Variants in NPAS3 observed in about 807,000 individuals in gnomAD.
NPAS3 encodes neuronal PAS domain protein 3, also known as neuronal PAS domain-containing protein 3.
Under a neutral mutation model 73.1 loss-of-function variants are expected in NPAS3, and 14 were observed. The observed-to-expected ratio is 0.19, with a 90% CI of 0.13 to 0.30. The LOEUF is 0.30. Among genes scored for constraint, NPAS3 ranks in the 10% least tolerant of loss-of-function variants. The pLI is 1.00. For synonymous variants in NPAS3, 620 were observed against 541.5 expected, an observed-to-expected ratio of 1.14 and a Z score of -2.01; for missense variants, 1,096 against 1,250.0, an observed-to-expected ratio of 0.88 and a Z score of 1.86.
chr14:33,229,030 T>A (rs1040801035), intron 3 of NPAS3, among the ~76,000 whole-genome samples: 7 of 152,176 alleles, frequency 4.6e-5, no homozygotes, highest in African/African-American at 1.7e-4. Context: ...GTTAAATATT[T>A]GAATGTGATG....
chr14:33,317,576 T>G (rs990218383), intron 3 of NPAS3, among the ~76,000 whole-genome samples: 5 of 152,052 alleles, frequency 3.3e-5, no homozygotes, highest in African/African-American at 9.7e-5. Flanking sequence ...GTTACTTCCA[T>G]GCTGTTCTCG....
At chr14:33,456,218 G>C (rs8022941) in intron 4 of NPAS3, among the ~76,000 whole-genome samples, 133,595 of 152,224 alleles carry the variant, frequency 0.88, 58,782 homozygotes, top group East Asian at 0.98. Context: ...CCATGGAAAG[G>C]GGGCCCTGCA....
intron 4 of NPAS3, among the ~76,000 whole-genome samples, chr14:33,549,460 C>T (rs1318324710): frequency 6.6e-6 from 1 of 152,318 alleles, no homozygotes; most frequent in East Asian, 1.9e-4. Flanking sequence ...TCTCAAACTC[C>T]TGAGCTCAAG....
chr14:33,370,078 G>A (rs949522481), intron 4 of NPAS3, among the ~76,000 whole-genome samples: 1 of 152,074 alleles, frequency 6.6e-6, no homozygotes, highest in Non-Finnish European at 1.5e-5. Flanking sequence ...CAACCTGACA[G>A]TTTATAGTCA....
intron 3 of NPAS3, among the ~76,000 whole-genome samples, chr14:33,308,645 T>C (rs1160093878): frequency 6.6e-6 from 1 of 151,568 alleles, no homozygotes; most frequent in Non-Finnish European, 1.5e-5. Context: ...TATATTTTAT[T>C]TTTTAGTAGA....
intron 6 of NPAS3, among the ~76,000 whole-genome samples, chr14:33,714,503 G>A (rs745600288): frequency 3.9e-5 from 6 of 152,144 alleles, no homozygotes; most frequent in East Asian, 1.9e-4. Flanking sequence ...CCTGAAGATC[G>A]TAGCTGGGCA....
chr14:33,664,171 A>T (rs1237470033), intron 5 of NPAS3, among the ~76,000 whole-genome samples: 1 of 152,210 alleles, frequency 6.6e-6, no homozygotes, highest in Non-Finnish European at 1.5e-5. Flanking sequence ...CAAAACAGAT[A>T]TACAGACCAC....
chr14:33,658,115 A>C (rs1463083836), intron 5 of NPAS3, among the ~76,000 whole-genome samples: 1 of 152,248 alleles, frequency 6.6e-6, no homozygotes, highest in East Asian at 1.9e-4. Flanking sequence ...TAGACACTGT[A>C]GAAATTGAGG....
intron 2 of NPAS3, among the ~76,000 whole-genome samples, chr14:33,073,410 A>G (rs1288173945): frequency 6.6e-6 from 1 of 152,194 alleles, no homozygotes; most frequent in Non-Finnish European, 1.5e-5. Flanking sequence ...AGAACTCTAT[A>G]GTATACAGTA....
At chr14:33,419,831 G>T (rs1386214784) in intron 4 of NPAS3, among the ~76,000 whole-genome samples, 1 of 151,860 alleles carries the variant, frequency 6.6e-6, no homozygotes, top group Non-Finnish European at 1.5e-5. Flanking sequence ...GTGTGGGAAA[G>T]AACTCTTGAG....
chr14:32,965,649 C>G (rs143975921), intron 1 of NPAS3, among the ~76,000 whole-genome samples: 7 of 152,244 alleles, frequency 4.6e-5, no homozygotes, highest in Non-Finnish European at 8.8e-5. Context: ...AAATCTGGAA[C>G]AAGGCAAGGA....
At position 33,498,712 on chromosome 14, in the gene NPAS3, G is replaced by GATAGC. The variant is rs71293228; in HGVS notation, c.469-61409_469-61408insATAGC. 1.4e-3 allele frequency among the ~76,000 whole-genome samples: 215 copies of GATAGC among 151,218 alleles called. 1 individual carries two copies. Among genetic ancestry groups the GATAGC allele is most frequent in the African/African-American group, 5.0e-3 (205 of 41,112 alleles). On this transcript the variant is annotated intron_variant, in intron 4 of 11. Transcript: ENST00000356141. ...TGGGGGATGGGGGGGCTAGGGAAGG[G>GATAGC]GTTAGGAGAAATACCTAATGTAGAT...
At chr14:33,305,370 T>A (rs1199879003) in intron 3 of NPAS3, among the ~76,000 whole-genome samples, 2 of 152,064 alleles carry the variant, frequency 1.3e-5, no homozygotes, top group Non-Finnish European at 2.9e-5. Context: ...GAAACACCAC[T>A]ATGGAAATCA....
chr14:33,301,063 C>A (rs2042509553), intron 3 of NPAS3, among the ~76,000 whole-genome samples: 2 of 151,766 alleles, frequency 1.3e-5, no homozygotes, highest in African/African-American at 4.8e-5. Flanking sequence ...GGGTACTACT[C>A]CTCATGTTTT....
chr14:33,488,294 G>T lies in NPAS3; in HGVS notation c.469-71827G>T, dbSNP rs2051711328. Among the ~76,000 whole-genome samples, 5 of 151,930 alleles carry T rather than the reference G, an allele frequency of 3.3e-5. No homozygotes were observed. The South Asian group carries it at 1.0e-3, about 32-fold the overall frequency. ...TACAGTTTAGTGAACAAGCAGGAAGGTGGCACGAGATAATTTGGAGAAAGA... is the reference window on the plus strand; with the variant it reads ...TACAGTTTAGTGAACAAGCAGGAAGTTGGCACGAGATAATTTGGAGAAAGA... On this transcript the variant is annotated intron_variant, in intron 4 of 11. Transcript: ENST00000356141.
At chr14:33,647,595 A>G (rs2058870623) in intron 5 of NPAS3, among the ~76,000 whole-genome samples, 1 of 152,160 alleles carries the variant, frequency 6.6e-6, no homozygotes, top group South Asian at 2.1e-4. Flanking sequence ...TAAATGCATG[A>G]AACAACTGCT....
At chr14:33,756,501 G>A (rs1243912610) in intron 7 of NPAS3, among the ~76,000 whole-genome samples, 2 of 152,220 alleles carry the variant, frequency 1.3e-5, no homozygotes, top group African/African-American at 4.8e-5. Flanking sequence ...GAGATGCAAG[G>A]CGGTCTGTGA....
intron 3 of NPAS3, among the ~76,000 whole-genome samples, chr14:33,313,710 T>C (rs1421198465): frequency 6.6e-6 from 1 of 152,100 alleles, no homozygotes; most frequent in Non-Finnish European, 1.5e-5. Context: ...AACTTTAAAC[T>C]TGAATCACTC....
intron 4 of NPAS3, among the ~76,000 whole-genome samples, chr14:33,396,082 G>A (rs185712394): frequency 7.4e-4 from 113 of 152,210 alleles, no homozygotes; most frequent in Non-Finnish European, 1.4e-3. Context: ...AAGGTGTTGT[G>A]GGGAGGAAGC....
Sources: allele counts gnomAD v4.1 joint callset (sites outside exome capture counted in the v4.1 genomes callset), GRCh38; gene constraint gnomAD v4.1.1; transcripts MANE v1.5; gene names NCBI Gene and HGNC (gene_info 2026-07-23, HGNC 2026-07-21).